CHMP3: variants seen among roughly 807,000 people sequenced by gnomAD.
CHMP3 encodes charged multivesicular body protein 3.
Under a neutral mutation model 27.4 loss-of-function variants are expected in CHMP3, and 8 were observed. The ratio of observed to expected loss-of-function variants is 0.29; its 90% CI spans 0.17 to 0.53. CHMP3 has a LOEUF of 0.53. CHMP3 is among the 20% of genes least tolerant of loss of function. The probability of loss-of-function intolerance (pLI) is 0.96; values close to 1 mark genes in which losing one functional copy is unlikely to be tolerated. For missense variants in CHMP3, 208 were observed against 271.5 expected (o/e 0.77, Z 1.64); for synonymous variants, 86 against 85.5 (o/e 1.01, Z -0.03).
intron 4 of CHMP3, among the ~76,000 whole-genome samples, chr2:86,508,647 C>A (rs1479254438): frequency 2.0e-5 from 3 of 152,182 alleles, no homozygotes; most frequent in Non-Finnish European, 2.9e-5. Flanking sequence ...GCAGCTCCGG[C>A]CCTGGCTCCC....
At chr2:86,552,183 C>T (rs1046885631) in intron 1 of CHMP3, among the ~76,000 whole-genome samples, 1 of 152,198 alleles carries the variant, frequency 6.6e-6, no homozygotes, top group Non-Finnish European at 1.5e-5. Context: ...AACTATAACA[C>T]ACTAAATATA....
rs537121812 is a variant in CHMP3 at position 86,506,544 on chromosome 2, T to C, written c.524-595A>G. Among the ~76,000 whole-genome samples, 8 of 152,184 alleles carry C rather than the reference T, an allele frequency of 5.3e-5. No homozygotes were observed. The South Asian group carries it at 1.7e-3, about 31-fold the overall frequency. On this transcript the variant is annotated intron_variant, in intron 5 of 5. Coordinates refer to ENST00000263856, the MANE Select transcript of CHMP3 (RefSeq NM_016079.4). ...TTCCATGTTAACGAGTATATTTCTATACCATCTATCACAATATATAGTATT... is the reference window on the plus strand; with the variant it reads ...TTCCATGTTAACGAGTATATTTCTACACCATCTATCACAATATATAGTATT...
chr2:86,553,164 G>A (rs1168194019), intron 1 of CHMP3, among the ~76,000 whole-genome samples: 2 of 150,318 alleles, frequency 1.3e-5, no homozygotes, highest in African/African-American at 4.9e-5. Context: ...TAACAAACCG[G>A]CACATCCTGC....
intron 5 of CHMP3, among the ~76,000 whole-genome samples, chr2:86,506,676 T>TG (rs1674901681): frequency 6.7e-6 from 1 of 149,904 alleles, no homozygotes; most frequent in African/African-American, 2.5e-5. Context: ...AGTGCGATCA[T>TG]GGCCAACTGC....
chr2:86,548,314 T>A (rs1239778598), intron 1 of CHMP3, among the ~76,000 whole-genome samples: 1 of 152,152 alleles, frequency 6.6e-6, no homozygotes, highest in Non-Finnish European at 1.5e-5. Context: ...TCTCTGGTTT[T>A]CCTAGGCAGA....
intron 1 of CHMP3, among the ~76,000 whole-genome samples, chr2:86,544,451 G>A (rs1041337176): frequency 4.6e-5 from 7 of 151,914 alleles, no homozygotes; most frequent in South Asian, 2.1e-4. Flanking sequence ...ATAAACACGT[G>A]AACAAAGGTC....
Position 86,517,119 on chromosome 2 carries a change from T to A in CHMP3, c.287-6640A>T, listed in dbSNP as rs151285791. Among the ~76,000 whole-genome samples the A allele has an allele frequency of 1.3e-3, 205 of 151,958 alleles. 3 individuals are homozygous for A. In the East Asian group the frequency reaches 0.034, roughly 25 times the overall value. On this transcript the variant is annotated intron_variant, in intron 3 of 5. Transcript: ENST00000263856. ...TTTTCTAAAAACATAAGCCTTAATT[T>A]AAAAAAAATTAAAGCATATAAAAAT...
At chr2:86,554,812 C>CGTGTGTGT (rs771711385) in intron 1 of CHMP3, among the ~76,000 whole-genome samples, 139 of 77,908 alleles carry the variant, frequency 1.8e-3, no homozygotes, top group East Asian at 3.2e-3. Flanking sequence ...AATGTGTGTG[C>CGTGTGTGT]GCGCGTGTGT....
intron 3 of CHMP3, among the ~76,000 whole-genome samples, chr2:86,515,871 T>A (rs1289797135): frequency 6.6e-6 from 1 of 152,004 alleles, no homozygotes; most frequent in African/African-American, 2.4e-5. Flanking sequence ...TTAAAAAAAA[T>A]TTTTGGCTGG....
At chr2:86,537,168 T>C (rs1425993004) in intron 2 of CHMP3, among the ~76,000 whole-genome samples, 1 of 152,172 alleles carries the variant, frequency 6.6e-6, no homozygotes, top group African/African-American at 2.4e-5. Context: ...CCCAGTCTCT[T>C]TTTTTTCTTT....
At chr2:86,562,147 TAACAAC>T (rs370693728) in intron 1 of CHMP3, 2 of 152,234 alleles carry the variant, frequency 1.3e-5, no homozygotes, top group East Asian at 3.8e-4. Flanking sequence ...CTAGGGCCTT[TAACAAC>T]AACAACAACA....
chr2:86,544,304 T>C (rs527832539), intron 1 of CHMP3, among the ~76,000 whole-genome samples: 1 of 152,294 alleles, frequency 6.6e-6, no homozygotes, highest in East Asian at 1.9e-4. Context: ...GTCTGCTGAG[T>C]GTGAAGTGGT....
intron 4 of CHMP3, 79 bp downstream of exon 4, chr2:86,510,279 C>CAAACCAAA: frequency 8.1e-7 from 1 of 1,239,834 alleles, no homozygotes; most frequent in Non-Finnish European, 1.1e-6. Context: ...TCCCCACCCA[C>CAAACCAAA]CCTCATCCCT....
chr2:86,544,394 G>A (rs1299033222), intron 1 of CHMP3, among the ~76,000 whole-genome samples: 2 of 151,428 alleles, frequency 1.3e-5, no homozygotes, highest in Non-Finnish European at 2.9e-5. Context: ...TCTCAAAGAG[G>A]GGGATGTGGC....
At chr2:86,508,467 G>A (rs1316312461) in intron 4 of CHMP3, among the ~76,000 whole-genome samples, 1 of 152,208 alleles carries the variant, frequency 6.6e-6, no homozygotes, top group Non-Finnish European at 1.5e-5. Flanking sequence ...ACATCCCTGG[G>A]CAGAACAGGT....
chr2:86,554,072 T>C (rs1024815871), intron 1 of CHMP3, among the ~76,000 whole-genome samples: 1 of 152,154 alleles, frequency 6.6e-6, no homozygotes, highest in Non-Finnish European at 1.5e-5. Flanking sequence ...CCTTATAAAA[T>C]AGGCCCAAGG....
rs572281969 is a variant in CHMP3 at position 86,505,726 on chromosome 2, C to A, written c.*78G>T. The A allele has an allele frequency of 7.2e-7, 1 of 1,379,766 alleles. No homozygotes were observed. The highest frequency in any genetic ancestry group is 9.4e-7 in the Non-Finnish European group (1 of 1,058,908). 85.5% of individuals were successfully genotyped at this position (1,379,766 alleles called of 1,614,324 possible). On this transcript the variant is annotated 3_prime_UTR_variant, in exon 6 of 6. Coordinates refer to ENST00000263856, the MANE Select transcript of CHMP3 (RefSeq NM_016079.4). Reference sequence around the variant, plus strand: ...TTCTCCAAAATGGTAGTCCTCACAACAGAGGTGTAGTGCAAGAGACACATA... The same window carrying A: ...TTCTCCAAAATGGTAGTCCTCACAAAAGAGGTGTAGTGCAAGAGACACATA...
chr2:86,555,362 G>T (rs939304908), intron 1 of CHMP3, among the ~76,000 whole-genome samples: 2 of 152,064 alleles, frequency 1.3e-5, no homozygotes, highest in African/African-American at 4.8e-5. Context: ...ATGTATATAA[G>T]TGTATTGTTT....
At chr2:86,558,136 G>A (rs1250788877) in intron 1 of CHMP3, among the ~76,000 whole-genome samples, 1 of 152,182 alleles carries the variant, frequency 6.6e-6, no homozygotes, top group Non-Finnish European at 1.5e-5. Context: ...AAGTAAGACA[G>A]AACAATTTTC....
Sources: gnomAD v4.1 joint callset for allele counts (sites outside exome capture counted in the v4.1 genomes callset) on GRCh38, gnomAD v4.1.1 for gene constraint, MANE v1.5 for transcripts, NCBI Gene and HGNC (gene_info 2026-07-23, HGNC 2026-07-21) for gene names.